The following DEPTOR variants were observed in gnomAD, a reference collection of about 807,000 sequenced individuals.
DEPTOR encodes DEP domain containing MTOR interacting protein.
In DEPTOR, 41 loss-of-function variants were observed where a neutral mutation model predicts 41.6. The observed-to-expected ratio is 0.98, with a 90% confidence interval of 0.77 to 1.28. DEPTOR has a LOEUF of 1.28. Ranked by LOEUF, DEPTOR falls within the 50% of genes most tolerant of loss-of-function variation. DEPTOR has a pLI of 0.00. For missense variants in DEPTOR, 514 were observed against 527.9 expected (o/e 0.97, Z 0.26); for synonymous variants, 195 against 192.3 (o/e 1.01, Z -0.12).
At chr8:120,049,073 A>G (rs560126668) in intron 8 of DEPTOR, among the ~76,000 whole-genome samples, 1 of 152,310 alleles carries the variant, frequency 6.6e-6, no homozygotes, top group South Asian at 2.1e-4. Flanking sequence ...CAATAAAAGG[A>G]AATGATGGTT....
chr8:119,972,105 G>A (rs1828640901), intron 4 of DEPTOR, among the ~76,000 whole-genome samples: 1 of 152,154 alleles, frequency 6.6e-6, no homozygotes, highest in South Asian at 2.1e-4. Context: ...AGAATTGTTG[G>A]GAGAATTAAG....
chr8:119,931,708 A>C (rs1828045802), intron 3 of DEPTOR, among the ~76,000 whole-genome samples: 1 of 152,274 alleles, frequency 6.6e-6, no homozygotes, highest in Admixed American at 6.5e-5. Context: ...TTTCTGACTC[A>C]CATGAATTTG....
chr8:120,013,533 C>T (rs968793371), intron 8 of DEPTOR, among the ~76,000 whole-genome samples: 1 of 152,158 alleles, frequency 6.6e-6, no homozygotes, highest in Non-Finnish European at 1.5e-5. Context: ...GGTGTGTAGT[C>T]GTCAAGAGGG....
At position 119,994,821 on chromosome 8, in the gene DEPTOR, G is replaced by A. The variant is rs6469880; in HGVS notation, c.605-6704G>A. On this transcript the variant is annotated intron_variant, in intron 4 of 8. Coordinates refer to ENST00000286234, the MANE Select transcript of DEPTOR (RefSeq NM_022783.4). The stretch of plus-strand genomic sequence containing the variant: ...AGTCTCAGCTACTTGAGAGGCTGAG[G>A]CAGGAGAATTGCTTGAACTCAGCGG... Among the ~76,000 whole-genome samples the A allele has an allele frequency of 4.6e-5, 7 of 151,430 alleles. No homozygotes were observed. In the East Asian group the frequency reaches 1.4e-3, roughly 29 times the overall value.
In DEPTOR at chr8:119,873,744, C is replaced by G. The variant is rs1827192960; in HGVS notation, c.-103C>G. The stretch of plus-strand genomic sequence containing the variant: ...TCCAGTCAGAGCAGCGGAGCTGCCC[C>G]GAACAAAGATGGCGCGGGAAGCGTC... On this transcript the variant is annotated 5_prime_UTR_variant, in exon 1 of 9. Coordinates refer to ENST00000286234, the MANE Select transcript of DEPTOR (RefSeq NM_022783.4). The G allele has an allele frequency of 9.2e-6, 14 of 1,517,570 alleles. No individual in the cohort carries two copies. The Admixed American group carries it at 1.0e-4, about 11-fold the overall frequency. The allele number at this position is 1,517,570 out of a possible 1,614,324, so 94.0% of individuals were successfully genotyped here. A position where few individuals can be genotyped will look rare whatever the true frequency, so the allele number is the denominator to read the frequency against.
At chr8:119,998,617 A>C (rs1356747) in intron 4 of DEPTOR, among the ~76,000 whole-genome samples, 146,524 of 152,202 alleles carry the variant, frequency 0.96, 70,573 homozygotes, top group East Asian at 1. Context: ...CCTGATGTAC[A>C]ACCTGCACTA....
intron 3 of DEPTOR, among the ~76,000 whole-genome samples, chr8:119,937,870 G>A (rs1828133761): frequency 6.6e-6 from 1 of 152,184 alleles, no homozygotes; most frequent in Non-Finnish European, 1.5e-5. Context: ...GGAACCCTAA[G>A]CTTCAGGAAC....
chr8:119,935,568 A>G (rs186822468), intron 3 of DEPTOR, among the ~76,000 whole-genome samples: 2,383 of 152,118 alleles, frequency 0.016, 65 homozygotes, highest in African/African-American at 0.055. Flanking sequence ...TAAAAATACA[A>G]AAATTAGCCA....
Position 120,049,995 on chromosome 8 carries a change from G to T in DEPTOR, c.*291G>T, listed in dbSNP as rs1016501452. On this transcript the variant is annotated 3_prime_UTR_variant, in exon 9 of 9. Transcript: ENST00000286234. ...CTCTCATTCATTGTTTTTTATCTTA[G>T]TTTGCAGAAAGGTGTTGAAATGCTT... The T allele has an allele frequency of 3.6e-5, 8 of 223,214 alleles. No homozygotes were observed. The highest frequency in any genetic ancestry group is 5.3e-5 in the Non-Finnish European group (6 of 114,142). The allele number at this position is 223,214 out of a possible 1,614,324, so 13.8% of individuals were successfully genotyped here. A position where few individuals can be genotyped will look rare whatever the true frequency, so the allele number is the denominator to read the frequency against.
chr8:120,024,948 T>C (rs1351053910), intron 8 of DEPTOR, among the ~76,000 whole-genome samples: 1 of 152,152 alleles, frequency 6.6e-6, no homozygotes, highest in Non-Finnish European at 1.5e-5. Context: ...GTTTCTGTCA[T>C]TGACCGGAAA....
At chr8:119,943,994 T>C (rs909768479) in intron 3 of DEPTOR, among the ~76,000 whole-genome samples, 2 of 151,884 alleles carry the variant, frequency 1.3e-5, no homozygotes, top group Non-Finnish European at 2.9e-5. Flanking sequence ...CCCGCCACCA[T>C]GCCCGGATAA....
At chr8:119,886,456 G>GACACACAC (rs765294763) in intron 1 of DEPTOR, among the ~76,000 whole-genome samples, 1 of 87,596 alleles carries the variant, frequency 1.1e-5, no homozygotes, top group African/African-American at 3.6e-5. Flanking sequence ...CACACACACA[G>GACACACAC]ACACACACAC....
intron 1 of DEPTOR, among the ~76,000 whole-genome samples, chr8:119,885,753 G>A (rs1284482503): frequency 6.6e-6 from 1 of 152,132 alleles, no homozygotes; most frequent in African/African-American, 2.4e-5. Flanking sequence ...ATTTTACAGT[G>A]AATACTCATG....
chr8:119,932,593 C>G (rs1828058990), intron 3 of DEPTOR, among the ~76,000 whole-genome samples: 1 of 152,168 alleles, frequency 6.6e-6, no homozygotes, highest in Non-Finnish European at 1.5e-5. Context: ...ATAGATTGAG[C>G]CCTTTCCACA....
chr8:119,924,387 AG>A (rs1827937536), intron 1 of DEPTOR, among the ~76,000 whole-genome samples: 1 of 152,198 alleles, frequency 6.6e-6, no homozygotes, highest in Non-Finnish European at 1.5e-5. Context: ...ATCAGAAGAC[AG>A]AAAACTCAGT....
chr8:120,046,764 T>C (rs1034024624), intron 8 of DEPTOR, among the ~76,000 whole-genome samples: 20 of 152,168 alleles, frequency 1.3e-4, no homozygotes, highest in Admixed American at 5.9e-4. Context: ...TTGACAAACA[T>C]TGGGGTCCTT....
At chr8:120,027,682 G>A (rs1007524025) in intron 8 of DEPTOR, among the ~76,000 whole-genome samples, 5 of 151,448 alleles carry the variant, frequency 3.3e-5, no homozygotes, top group African/African-American at 4.9e-5. Flanking sequence ...TCCAGCCTGC[G>A]CAATGGGAGT....
intron 4 of DEPTOR, among the ~76,000 whole-genome samples, chr8:119,969,569 A>C (rs753437425): frequency 9.9e-5 from 15 of 152,092 alleles, no homozygotes; most frequent in Non-Finnish European, 1.3e-4. Flanking sequence ...TCAGTCAGGC[A>C]GGTCTCGAAC....
intron 8 of DEPTOR, among the ~76,000 whole-genome samples, chr8:120,027,234 A>AAATAACAATAATAATAATAAT (rs1554586788): frequency 3.9e-4 from 56 of 145,106 alleles, no homozygotes; most frequent in African/African-American, 1.3e-3. Context: ...AATAAAAATA[A>AAATAACAATAATAATAATAAT]AATAATAATA....
Sources: gnomAD v4.1 joint callset for allele counts (sites outside exome capture counted in the v4.1 genomes callset) on GRCh38, gnomAD v4.1.1 for gene constraint, MANE v1.5 for transcripts, NCBI Gene and HGNC (gene_info 2026-07-23, HGNC 2026-07-21) for gene names.